LGR6: variants seen among roughly 807,000 people sequenced by gnomAD.
The protein encoded by LGR6 is leucine rich repeat containing G protein-coupled receptor 6, also known as leucine-rich repeat-containing G protein-coupled receptor 6.
LGR6 carries 45 observed loss-of-function variants against 69.4 expected under a neutral mutation model. The ratio of observed to expected loss-of-function variants is 0.65; its 90% CI spans 0.51 to 0.83. The LOEUF is 0.83. Ranked by LOEUF, LGR6 falls within the 40% of genes least tolerant of loss-of-function variation. The probability of loss-of-function intolerance (pLI) is 0.00; values close to 1 mark genes in which losing one functional copy is unlikely to be tolerated. For missense variants in LGR6, 1,108 were observed against 1,246.7 expected, an observed-to-expected ratio of 0.89 and a Z score of 1.68; for synonymous variants, 538 against 555.0, an observed-to-expected ratio of 0.97 and a Z score of 0.43.
chr1:202,251,330 TGTCTTCTGCAGCC>T lies in LGR6; in HGVS notation c.428+15338_428+15350del, dbSNP rs1206003338. Among the ~76,000 whole-genome samples, 12 of 152,220 alleles carry T rather than the reference TGTCTTCTGCAGCC, an allele frequency of 7.9e-5. No individual in the cohort carries two copies. In the East Asian group the frequency reaches 2.1e-3, roughly 27 times the overall value. On this transcript the variant is annotated intron_variant, in intron 4 of 17. Coordinates refer to ENST00000367278, the MANE Select transcript of LGR6 (RefSeq NM_001017403.2). ...TCGTTATTTTAAAAAAGCGATACAG[TGTCTTCTGCAGCC>T]AACAATAACATAATTTAGAATTACC...
At chr1:202,295,327 C>CAAAAA (rs58243962) in intron 6 of LGR6, among the ~76,000 whole-genome samples, 3 of 45,504 alleles carry the variant, frequency 6.6e-5, no homozygotes, top group African/African-American at 1.5e-4. Flanking sequence ...GACTCCATCT[C>CAAAAA]AAAAAAAAAA....
chr1:202,276,363 C>T lies in LGR6; in HGVS notation c.486C>T (p.Ser162=), dbSNP rs199655860. 1 of 1,614,200 alleles carries T rather than the reference C, an allele frequency of 6.2e-7. No homozygotes were observed. The highest frequency in any genetic ancestry group is 1.3e-5 in the African/African-American group (1 of 75,052). The stretch of plus-strand genomic sequence containing the variant: ...CGGAGAGGAGCTTTGAGGGGCTGTC[C>T]TCCCTCCGCCACCTCTGGCTGGACG... ...LVPERSFEGL[S]SLRHLWLDDN... The change falls in exon 5 of 18, where the codon TCC becomes TCT. Residue 162 remains serine (S), a synonymous_variant. Coordinates refer to ENST00000367278, the MANE Select transcript of LGR6 (RefSeq NM_001017403.2).
intron 5 of LGR6, among the ~76,000 whole-genome samples, chr1:202,278,833 G>A (rs533737987): frequency 2.6e-4 from 40 of 152,286 alleles, no homozygotes; most frequent in Middle Eastern, 3.4e-3. Flanking sequence ...TTTCATCATC[G>A]GGCTGCTCTG....
At position 202,256,031 on chromosome 1, in the gene LGR6, A is replaced by C. The variant is rs958272647; in HGVS notation, c.428+20038A>C. On this transcript the variant is annotated intron_variant, in intron 4 of 17. Transcript: ENST00000367278. The stretch of plus-strand genomic sequence containing the variant: ...AGAAAGAAAATCCTTACTCATTAGC[A>C]GTCACTCTCTATCTCATCTTCCCCC... 2.0e-5 allele frequency among the ~76,000 whole-genome samples: 3 copies of C among 152,200 alleles called. No homozygotes were observed. In the East Asian group the frequency reaches 5.8e-4, roughly 29 times the overall value.
intron 1 of LGR6, among the ~76,000 whole-genome samples, chr1:202,206,934 T>C (rs1255956908): frequency 1.5e-5 from 2 of 132,136 alleles, no homozygotes; most frequent in African/African-American, 5.7e-5. Context: ...TATTTATTTA[T>C]TGAGACAGAG....
chr1:202,217,623 C>T (rs904684235), intron 1 of LGR6, among the ~76,000 whole-genome samples: 6 of 152,124 alleles, frequency 3.9e-5, no homozygotes, highest in African/African-American at 1.2e-4. Flanking sequence ...ACAAGGTTTG[C>T]CTTTGCTTAG....
At chr1:202,219,492 C>G (rs551942068) in intron 1 of LGR6, among the ~76,000 whole-genome samples, 101 of 152,314 alleles carry the variant, frequency 6.6e-4, no homozygotes, top group African/African-American at 2.3e-3. Flanking sequence ...GAACAGGGAG[C>G]GCTGTGAGCA....
At chr1:202,275,924 A>G (rs1274156690) in intron 4 of LGR6, among the ~76,000 whole-genome samples, 5 of 152,148 alleles carry the variant, frequency 3.3e-5, no homozygotes, top group Non-Finnish European at 5.9e-5. Flanking sequence ...CAAACAGGCT[A>G]TGGGTTCAGC....
At chr1:202,274,866 A>G (rs1665409382) in intron 4 of LGR6, among the ~76,000 whole-genome samples, 1 of 152,170 alleles carries the variant, frequency 6.6e-6, no homozygotes, top group Non-Finnish European at 1.5e-5. Flanking sequence ...TGTGGGTGGG[A>G]AGTCTTTCCT....
At chr1:202,196,797 G>T (rs1658657124) in intron 1 of LGR6, among the ~76,000 whole-genome samples, 1 of 152,164 alleles carries the variant, frequency 6.6e-6, no homozygotes, top group African/African-American at 2.4e-5. Flanking sequence ...GAGCCTAGTG[G>T]GTGAGTGTAG....
intron 1 of LGR6, among the ~76,000 whole-genome samples, chr1:202,221,313 T>A (rs1343838164): frequency 1.3e-5 from 2 of 152,070 alleles, no homozygotes; most frequent in African/African-American, 2.4e-5. Flanking sequence ...GCATCCTCCC[T>A]CTTATCAAAC....
intron 17 of LGR6, among the ~76,000 whole-genome samples, chr1:202,315,782 G>T (rs1273176513): frequency 3.3e-5 from 5 of 152,184 alleles, no homozygotes; most frequent in South Asian, 4.1e-4. Context: ...ACAACAGCAC[G>T]CCCTCTAGTG....
intron 1 of LGR6, 30 bp from the exon 2 acceptor site, chr1:202,225,393 C>T (rs760207013): frequency 6.2e-7 from 1 of 1,606,400 alleles, no homozygotes. Flanking sequence ...GGGGAGTTCA[C>T]AGCTCCTTTT....
At chr1:202,273,150 A>G (rs777944547) in intron 4 of LGR6, among the ~76,000 whole-genome samples, 6 of 152,162 alleles carry the variant, frequency 3.9e-5, no homozygotes, top group East Asian at 1.9e-4. Flanking sequence ...AGCTACCTCA[A>G]TGGCATTTTT....
Position 202,280,658 on chromosome 1 carries a change from G to T in LGR6, c.645-123G>T, listed in dbSNP as rs1644661539. On this transcript the variant is annotated intron_variant, in intron 5 of 17. Coordinates refer to ENST00000367278, the MANE Select transcript of LGR6 (RefSeq NM_001017403.2). ...GTTTGTTCCTGGAAACAAACGGATG[G>T]ACCATTAGGGTCATTCTGTCCATGC... 7 of 866,588 alleles carry T rather than the reference G, an allele frequency of 8.1e-6. No homozygotes were observed. The South Asian group carries it at 9.5e-5, about 12-fold the overall frequency. 53.7% of individuals were successfully genotyped at this position (866,588 alleles called of 1,614,324 possible).
chr1:202,284,846 C>T (rs2148197574), intron 6 of LGR6, among the ~76,000 whole-genome samples: 1 of 152,358 alleles, frequency 6.6e-6, no homozygotes, highest in Admixed American at 6.5e-5. Context: ...AGGATGGACC[C>T]CGGGGACAAT....
At chr1:202,234,595 C>T (rs1351984367) in intron 3 of LGR6, among the ~76,000 whole-genome samples, 1 of 152,126 alleles carries the variant, frequency 6.6e-6, no homozygotes, top group African/African-American at 2.4e-5. Context: ...AGACTGTGGA[C>T]CCAAACTCTC....
At chr1:202,224,550 CA>C (rs1213921839) in intron 1 of LGR6, among the ~76,000 whole-genome samples, 1 of 152,180 alleles carries the variant, frequency 6.6e-6, no homozygotes, top group African/African-American at 2.4e-5. Flanking sequence ...TTTCCACGGA[CA>C]GGGGTGGAGT....
At chr1:202,308,990 C>T in intron 14 of LGR6, 61 bp from the exon 15 acceptor site, 1 of 1,596,518 alleles carries the variant, frequency 6.3e-7, no homozygotes, top group East Asian at 2.2e-5. Flanking sequence ...ATTCTCAGCA[C>T]AGCCCTGCCC....
Sources: gnomAD v4.1 joint callset for allele counts (sites outside exome capture counted in the v4.1 genomes callset) on GRCh38, gnomAD v4.1.1 for gene constraint, MANE v1.5 for transcripts, NCBI Gene and HGNC (gene_info 2026-07-23, HGNC 2026-07-21) for gene names.